Variants in SNX27 observed in about 807,000 individuals in gnomAD.
SNX27 encodes the protein sorting nexin 27, also known as sorting nexin-27.
A neutral mutation model predicts 71.6 loss-of-function variants in SNX27; 22 were observed. The observed-to-expected ratio is 0.31, with a 90% CI of 0.22 to 0.44. SNX27 has a LOEUF of 0.44. Among genes scored for constraint, SNX27 ranks in the 20% least tolerant of loss-of-function variants. SNX27 has a pLI of 1.00. For missense variants in SNX27, 531 were observed against 698.6 expected (o/e 0.76, Z 2.70); for synonymous variants, 269 against 277.2 (o/e 0.97, Z 0.29).
rs1335107253 is a variant in SNX27, at chr1:151,696,459, CTTT to C, written c.*2045_*2047del. On this transcript the variant is annotated 3_prime_UTR_variant, in exon 12 of 12. Transcript: ENST00000458013. ...GTTTTTGCAAATCATTGTGAGGCCA[CTTT>C]TTCTTTCTTTCTTTCTTTCTTTCTT... 8.7e-6 allele frequency: 1 copy of C among 114,596 alleles called. No homozygotes were observed. The highest frequency in any genetic ancestry group is 1.8e-5 in the Non-Finnish European group (1 of 54,786). The allele number at this position is 114,596 out of a possible 1,614,324, so 7.1% of individuals were successfully genotyped here. A position where few individuals can be genotyped will look rare whatever the true frequency, so the allele number is the denominator to read the frequency against.
chr1:151,654,092 A>G (rs974935132), intron 2 of SNX27, among the ~76,000 whole-genome samples: 2 of 152,164 alleles, frequency 1.3e-5, no homozygotes, highest in Non-Finnish European at 1.5e-5. Context: ...TGGACTCCCA[A>G]AGTGCTGGGA....
intron 2 of SNX27, among the ~76,000 whole-genome samples, chr1:151,641,584 C>A: frequency 1.1e-5 from 1 of 90,124 alleles, no homozygotes; most frequent in Non-Finnish European, 2.1e-5. Context: ...TCTGGTTCTA[C>A]AAGTCCTTTA....
chr1:151,673,292 G>A (rs1307034455), intron 7 of SNX27, among the ~76,000 whole-genome samples: 1 of 151,756 alleles, frequency 6.6e-6, no homozygotes, highest in East Asian at 1.9e-4. Context: ...CCTCATTTTT[G>A]ATTTTTGGTT....
chr1:151,691,749 C>T (rs1051946643), intron 8 of SNX27, among the ~76,000 whole-genome samples: 4 of 151,988 alleles, frequency 2.6e-5, no homozygotes, highest in Admixed American at 1.3e-4. Flanking sequence ...TTCCTGACCT[C>T]GTGATCCACC....
At chr1:151,658,111 G>C (rs1253668534) in intron 2 of SNX27, 124 bp from the exon 3 acceptor site, 1 of 819,074 alleles carries the variant, frequency 1.2e-6, no homozygotes, top group Non-Finnish European at 1.9e-6. Flanking sequence ...AAGTGAGCTT[G>C]AATATAGTCT....
At chr1:151,630,161 T>G (rs1243426516) in intron 1 of SNX27, among the ~76,000 whole-genome samples, 2 of 152,022 alleles carry the variant, frequency 1.3e-5, no homozygotes, top group African/African-American at 4.8e-5. Flanking sequence ...CATTTATTCT[T>G]AGAAGAAATA....
At position 151,637,153 on chromosome 1, in the gene SNX27, G is replaced by GTTT. The variant is rs200938062; in HGVS notation, c.312-1729_312-1727dup. 8.8e-3 allele frequency among the ~76,000 whole-genome samples: 562 copies of GTTT among 64,024 alleles called. 59 individuals are homozygous for GTTT. The highest frequency in any genetic ancestry group is 0.025 in the African/African-American group (507 of 20,238). The allele number at this position is 64,024 out of a possible 152,430, so 42.0% of individuals were successfully genotyped here. ...CTGGTATATGATCAGAGTTGATCAC[G>GTTT]TTTTTTTTGTTTTTTTGTTTTTTTT... On this transcript the variant is annotated intron_variant, in intron 1 of 11. Transcript: ENST00000458013.
intron 7 of SNX27, chr1:151,675,851 G>T (rs1670674210): frequency 2.3e-5 from 1 of 43,584 alleles, no homozygotes; most frequent in Non-Finnish European, 5.0e-5. Context: ...TTTTTATATA[G>T]GCTCTCATTC....
At chr1:151,684,951 G>A (rs1362884412) in intron 8 of SNX27, among the ~76,000 whole-genome samples, 1 of 152,006 alleles carries the variant, frequency 6.6e-6, no homozygotes, top group Non-Finnish European at 1.5e-5. Flanking sequence ...TGGGACTATA[G>A]GCACCCAACA....
intron 2 of SNX27, among the ~76,000 whole-genome samples, chr1:151,650,855 C>G (rs530217793): frequency 6.6e-6 from 1 of 151,850 alleles, no homozygotes; most frequent in South Asian, 2.1e-4. Flanking sequence ...CATCTTGCAC[C>G]GCCCTTAATC....
chr1:151,662,419 A>C (rs1430501846), intron 5 of SNX27, 149 bp downstream of exon 5: 1 of 487,624 alleles, frequency 2.1e-6, no homozygotes, highest in African/African-American at 2.0e-5. Flanking sequence ...ATTAATGTGA[A>C]AGTACTTTGC....
chr1:151,695,411 T>A lies in SNX27; in HGVS notation c.*994T>A, dbSNP rs12723419. On this transcript the variant is annotated 3_prime_UTR_variant, in exon 12 of 12. Coordinates refer to ENST00000458013, the MANE Select transcript of SNX27 (RefSeq NM_001330723.2). ...GTAGTAATTTCCTGTTTTCCTTGCC[T>A]TTTTTTTTTTTTTTTTTTTTTTTTT... The A allele has an allele frequency of 1.3e-5, 1 of 76,948 alleles. No homozygotes were observed. Among genetic ancestry groups the A allele is most frequent in the Non-Finnish European group, 2.6e-5 (1 of 38,774 alleles). The allele number at this position is 76,948 out of a possible 1,614,324, so 4.8% of individuals were successfully genotyped here.
chr1:151,692,851 T>C, intron 9 of SNX27, 60 bp from the exon 10 acceptor site: 1 of 1,608,628 alleles, frequency 6.2e-7, no homozygotes, highest in South Asian at 1.1e-5. Flanking sequence ...ACCCCCTACC[T>C]CAGTTCCCCA....
chr1:151,622,271 AGTTGTCAT>A (rs1667709403), intron 1 of SNX27, among the ~76,000 whole-genome samples: 1 of 152,146 alleles, frequency 6.6e-6, no homozygotes, highest in Non-Finnish European at 1.5e-5. Context: ...TGTTTTTTTC[AGTTGTCAT>A]GATAGATTAC....
chr1:151,693,085 TG>T (rs1465971638), intron 10 of SNX27, 46 bp downstream of exon 10: 1 of 1,590,856 alleles, frequency 6.3e-7, no homozygotes, highest in African/African-American at 1.4e-5. Context: ...TTTGTTTTTT[TG>T]TTTTTTTTTT....
intron 2 of SNX27, among the ~76,000 whole-genome samples, chr1:151,654,137 G>A (rs954998732): frequency 2.0e-5 from 3 of 152,086 alleles, no homozygotes; most frequent in Non-Finnish European, 4.4e-5. Flanking sequence ...GGCCGACCCT[G>A]GAGGGTTTTT....
rs1671915636 is a variant in SNX27, at chr1:151,698,959, G to C, written c.*4542G>C. On this transcript the variant is annotated 3_prime_UTR_variant, in exon 12 of 12. Coordinates refer to ENST00000458013, the MANE Select transcript of SNX27 (RefSeq NM_001330723.2). Reference sequence around the variant, plus strand: ...GAGAAAATACACAGACACAATAATGGCTAACATTGTTTCTTTCATTCCTTG... The same window carrying C: ...GAGAAAATACACAGACACAATAATGCCTAACATTGTTTCTTTCATTCCTTG... 1 of 152,582 alleles carries C rather than the reference G, an allele frequency of 6.6e-6. No individual in the cohort carries two copies. Among genetic ancestry groups the C allele is most frequent in the South Asian group, 2.1e-4 (1 of 4,830 alleles). The allele number at this position is 152,582 out of a possible 1,614,324, so 9.5% of individuals were successfully genotyped here.
chr1:151,653,480 C>T (rs1175503355), intron 2 of SNX27, among the ~76,000 whole-genome samples: 1 of 152,050 alleles, frequency 6.6e-6, no homozygotes, highest in Non-Finnish European at 1.5e-5. Flanking sequence ...TTACCTTGTG[C>T]TTAGAGTGAG....
chr1:151,683,238 A>G (rs1414251855), intron 7 of SNX27, 118 bp from the exon 8 acceptor site: 2 of 702,772 alleles, frequency 2.8e-6, no homozygotes, highest in Non-Finnish European at 2.4e-6. Context: ...ACTGGTAATG[A>G]TGGTGGTCCA....
Sources: gnomAD v4.1 joint callset for allele counts (sites outside exome capture counted in the v4.1 genomes callset) on GRCh38, gnomAD v4.1.1 for gene constraint, MANE v1.5 for transcripts, NCBI Gene and HGNC (gene_info 2026-07-23, HGNC 2026-07-21) for gene names.